DCLK2: variants seen among roughly 807,000 people sequenced by gnomAD.
DCLK2 encodes the protein doublecortin like kinase 2.
DCLK2 carries 31 observed loss-of-function variants against 78.4 expected under a neutral mutation model. The observed-to-expected ratio is 0.40, with a 90% CI of 0.30 to 0.53. DCLK2 has a LOEUF of 0.53. DCLK2 is among the 20% of genes least tolerant of loss of function. The pLI is 0.61. For missense variants in DCLK2, 872 were observed against 973.7 expected (o/e 0.90, Z 1.39); for synonymous variants, 407 against 374.9 (o/e 1.09, Z -0.99).
intron 2 of DCLK2, among the ~76,000 whole-genome samples, chr4:150,128,010 T>G (rs72965555): frequency 6.6e-6 from 1 of 152,180 alleles, no homozygotes; most frequent in South Asian, 2.1e-4. Context: ...ATTGCAGGCA[T>G]CTAGAAATTC....
intron 5 of DCLK2, among the ~76,000 whole-genome samples, chr4:150,215,857 G>T (rs1740672743): frequency 6.6e-6 from 1 of 152,226 alleles, no homozygotes; most frequent in Non-Finnish European, 1.5e-5. Flanking sequence ...ACAGTCTTAT[G>T]ACTGCAGTCA....
chr4:150,255,972 C>T, intron 15 of DCLK2, 48 bp from the exon 16 acceptor site: 1 of 1,592,804 alleles, frequency 6.3e-7, no homozygotes, highest in Non-Finnish European at 8.6e-7. Flanking sequence ...CAGCTGGGAC[C>T]CGAGCCTGGG....
chr4:150,129,055 A>T (rs1733110245), intron 2 of DCLK2, among the ~76,000 whole-genome samples: 1 of 152,100 alleles, frequency 6.6e-6, no homozygotes, highest in South Asian at 2.1e-4. Context: ...CATATACCTG[A>T]CATAACTATT....
intron 7 of DCLK2, among the ~76,000 whole-genome samples, chr4:150,222,153 G>A (rs966122029): frequency 2.0e-5 from 3 of 152,002 alleles, no homozygotes; most frequent in Non-Finnish European, 4.4e-5. Context: ...ACAGGGTCTT[G>A]CTTTGTTGCC....
chr4:150,219,442 G>A (rs963686893), intron 5 of DCLK2, among the ~76,000 whole-genome samples: 2 of 151,828 alleles, frequency 1.3e-5, no homozygotes, highest in African/African-American at 2.4e-5. Context: ...TGTATTTTCA[G>A]TAGAGACGGG....
chr4:150,191,015 A>G (rs775783581), intron 2 of DCLK2, among the ~76,000 whole-genome samples: 7 of 152,196 alleles, frequency 4.6e-5, no homozygotes, highest in Non-Finnish European at 7.4e-5. Context: ...GGTCCCAGCT[A>G]CTCAGTAGGT....
At chr4:150,156,106 C>T (rs1053157152) in intron 2 of DCLK2, among the ~76,000 whole-genome samples, 4 of 152,152 alleles carry the variant, frequency 2.6e-5, no homozygotes, top group East Asian at 3.9e-4. Flanking sequence ...GAGACCCACC[C>T]GTTGGACTTG....
intron 2 of DCLK2, among the ~76,000 whole-genome samples, chr4:150,117,807 C>T (rs1319840261): frequency 1.3e-5 from 2 of 152,134 alleles, no homozygotes; most frequent in Admixed American, 6.6e-5. Context: ...TCTGTGGTTT[C>T]TTTCAGTTTT....
intron 5 of DCLK2, among the ~76,000 whole-genome samples, chr4:150,220,284 T>C (rs1741084791): frequency 6.6e-6 from 1 of 152,172 alleles, no homozygotes; most frequent in South Asian, 2.1e-4. Context: ...ATTGCAGTTG[T>C]CCATCAGTTG....
chr4:150,229,977 G>GT (rs1218849314), intron 8 of DCLK2, among the ~76,000 whole-genome samples: 1 of 152,164 alleles, frequency 6.6e-6, no homozygotes, highest in African/African-American at 2.4e-5. Context: ...GATAACGTTT[G>GT]TAACGATTTT....
intron 15 of DCLK2, among the ~76,000 whole-genome samples, chr4:150,255,408 T>C (rs1744485874): frequency 6.6e-6 from 1 of 152,254 alleles, no homozygotes; most frequent in Admixed American, 6.5e-5. Flanking sequence ...TCTCTGTTCC[T>C]TGAAGAGCTG....
chr4:150,153,528 G>A (rs6535712), intron 2 of DCLK2, among the ~76,000 whole-genome samples: 1 of 151,550 alleles, frequency 6.6e-6, no homozygotes, highest in Non-Finnish European at 1.5e-5. Context: ...CTTACCCACC[G>A]CAGCAGTAGC....
rs79079594 is a variant in DCLK2, at chr4:150,164,369, C to A, written c.757-28769C>A. On this transcript the variant is annotated intron_variant, in intron 2 of 15. Coordinates refer to ENST00000296550, the MANE Select transcript of DCLK2 (RefSeq NM_001040260.4). The stretch of plus-strand genomic sequence containing the variant: ...GAATATTTTCAGTTTACTTACTTAC[C>A]CCCCTACCCCCATACCCTACTCCCA... Among the ~76,000 whole-genome samples the A allele has an allele frequency of 7.4e-3, 1,131 of 152,264 alleles. 11 individuals are homozygous for A. Among genetic ancestry groups the A allele is most frequent in the Middle Eastern group, 0.044 (13 of 294 alleles).
chr4:150,256,311 G>A lies in DCLK2; in HGVS notation c.*64G>A, dbSNP rs891836968. 6.4e-5 allele frequency: 92 copies of A among 1,443,680 alleles called. 1 individual carries two copies. The highest frequency in any genetic ancestry group is 5.5e-4 in the South Asian group (38 of 68,888). 89.4% of individuals were successfully genotyped at this position (1,443,680 alleles called of 1,614,324 possible). A position where few individuals can be genotyped will look rare whatever the true frequency, so the allele number is the denominator to read the frequency against. On this transcript the variant is annotated 3_prime_UTR_variant, in exon 16 of 16. Transcript: ENST00000296550. The stretch of plus-strand genomic sequence containing the variant: ...GGAAGCCAGCCCTCTGCTCGGCCTC[G>A]CCGGCCTCCCTGCTGCAGGCCTCCC...
chr4:150,165,199 G>C (rs1735978658), intron 2 of DCLK2, among the ~76,000 whole-genome samples: 1 of 152,234 alleles, frequency 6.6e-6, no homozygotes, highest in African/African-American at 2.4e-5. Flanking sequence ...TATGGGTGTT[G>C]TGATTAAATT....
intron 2 of DCLK2, among the ~76,000 whole-genome samples, chr4:150,185,268 C>T (rs952661705): frequency 6.6e-6 from 1 of 152,128 alleles, no homozygotes; most frequent in African/African-American, 2.4e-5. Context: ...AGAACTCACT[C>T]CCTATCACAA....
intron 2 of DCLK2, among the ~76,000 whole-genome samples, chr4:150,178,741 A>G (rs1430428409): frequency 6.6e-6 from 1 of 152,208 alleles, no homozygotes; most frequent in Non-Finnish European, 1.5e-5. Context: ...GAACTTTGTC[A>G]TTCGGCAGTC....
At chr4:150,198,918 C>CA (rs1384922165) in intron 4 of DCLK2, 9 of 605,994 alleles carry the variant, frequency 1.5e-5, no homozygotes, top group South Asian at 2.2e-5. Flanking sequence ...GCACCCCCCC[C>CA]CCCACTTTCT....
chr4:150,238,693 T>C (rs1435771236), intron 10 of DCLK2, among the ~76,000 whole-genome samples: 2 of 152,184 alleles, frequency 1.3e-5, no homozygotes, highest in African/African-American at 4.8e-5. Flanking sequence ...TGAGCCCTGT[T>C]CTGAGCTTTG....
Sources: gnomAD v4.1 joint callset for allele counts (sites outside exome capture counted in the v4.1 genomes callset) on GRCh38, gnomAD v4.1.1 for gene constraint, MANE v1.5 for transcripts, NCBI Gene and HGNC (gene_info 2026-07-23, HGNC 2026-07-21) for gene names.